The following CTNNA2 variants were observed in gnomAD, a reference collection of about 807,000 sequenced individuals.
CTNNA2 encodes the protein catenin alpha 2.
CTNNA2 carries 42 observed loss-of-function variants against 101.0 expected under a neutral mutation model. That is an observed-to-expected ratio of 0.42 (90% CI 0.32 to 0.54). The LOEUF is 0.54. CTNNA2 is among the 20% of genes least tolerant of loss of function. The pLI is 0.14. For missense variants in CTNNA2, 871 were observed against 1,223.1 expected (o/e 0.71, Z 4.29); for synonymous variants, 450 against 456.4 (o/e 0.99, Z 0.18).
At chr2:79,732,538 A>G (rs1012086205) in intron 2 of CTNNA2, among the ~76,000 whole-genome samples, 2 of 152,110 alleles carry the variant, frequency 1.3e-5, no homozygotes, top group South Asian at 2.1e-4. Context: ...TAGAGAATGT[A>G]TGTGTTATTT....
At chr2:80,322,835 G>A (rs970891494) in intron 7 of CTNNA2, among the ~76,000 whole-genome samples, 1 of 152,178 alleles carries the variant, frequency 6.6e-6, no homozygotes, top group African/African-American at 2.4e-5. Flanking sequence ...CATCCAAGAC[G>A]TTTCGGGCCA....
chr2:80,620,050 C>A (rs996988330), intron 18 of CTNNA2, among the ~76,000 whole-genome samples: 2 of 151,776 alleles, frequency 1.3e-5, no homozygotes, highest in African/African-American at 4.8e-5. Flanking sequence ...TTAAAACTAT[C>A]AAGATGCAAG....
At chr2:80,403,313 C>T (rs536003165) in intron 8 of CTNNA2, among the ~76,000 whole-genome samples, 4 of 152,290 alleles carry the variant, frequency 2.6e-5, no homozygotes, top group African/African-American at 4.8e-5. Context: ...AAAGTTCCCC[C>T]GCAAAGTCTC....
chr2:79,561,008 G>A (rs970337734), intron 1 of CTNNA2, among the ~76,000 whole-genome samples: 1 of 151,868 alleles, frequency 6.6e-6, no homozygotes, highest in African/African-American at 2.4e-5. Flanking sequence ...TTGCAAGGTT[G>A]TGGAACTATC....
chr2:79,806,558 T>A (rs939704294), intron 3 of CTNNA2, among the ~76,000 whole-genome samples: 2 of 152,044 alleles, frequency 1.3e-5, no homozygotes, highest in African/African-American at 4.8e-5. Context: ...CGCAGGTGAC[T>A]TAGACTTCCC....
At chr2:79,945,902 G>C (rs1034052335) in intron 7 of CTNNA2, among the ~76,000 whole-genome samples, 1 of 152,128 alleles carries the variant, frequency 6.6e-6, no homozygotes, top group Admixed American at 6.5e-5. Context: ...TGCTAAGACA[G>C]AGCTGCACAC....
chr2:79,868,361 T>A (rs1033908732), intron 4 of CTNNA2, among the ~76,000 whole-genome samples: 9 of 152,222 alleles, frequency 5.9e-5, no homozygotes, highest in African/African-American at 2.2e-4. Context: ...CTTTGCTTGC[T>A]ACAACTCTTT....
chr2:79,579,478 C>T (rs931056064), intron 1 of CTNNA2, among the ~76,000 whole-genome samples: 1 of 152,114 alleles, frequency 6.6e-6, no homozygotes, highest in Non-Finnish European at 1.5e-5. Context: ...TATAATCTTT[C>T]CTCACCCTCC....
intron 7 of CTNNA2, among the ~76,000 whole-genome samples, chr2:80,144,291 T>C (rs1703192829): frequency 6.6e-6 from 1 of 152,116 alleles, no homozygotes. Context: ...AGATTCCCCA[T>C]AGATGCACCT....
At chr2:79,710,241 C>T (rs1272755247) in intron 2 of CTNNA2, among the ~76,000 whole-genome samples, 1 of 151,974 alleles carries the variant, frequency 6.6e-6, no homozygotes, top group Non-Finnish European at 1.5e-5. Flanking sequence ...GTTGCCTTAT[C>T]ATATGAAGAT....
intron 1 of CTNNA2, among the ~76,000 whole-genome samples, chr2:79,598,460 C>G (rs1314058144): frequency 6.6e-6 from 1 of 152,218 alleles, no homozygotes; most frequent in Non-Finnish European, 1.5e-5. Context: ...GCTCCACATC[C>G]TCGCCAGCAT....
chr2:79,286,445 C>T (rs1376156124), intron 2 of CTNNA2, among the ~76,000 whole-genome samples: 2 of 151,938 alleles, frequency 1.3e-5, no homozygotes, highest in Non-Finnish European at 2.9e-5. Context: ...TTAGGGCAGG[C>T]CTGGTGGTGA....
intron 2 of CTNNA2, among the ~76,000 whole-genome samples, chr2:79,283,034 T>C (rs1410643082): frequency 1.2e-5 from 1 of 86,188 alleles, no homozygotes; most frequent in African/African-American, 3.2e-5. Flanking sequence ...TTTCATGTGT[T>C]TTTTGGCTGC....
At chr2:80,319,124 C>T (rs1030870013) in intron 7 of CTNNA2, among the ~76,000 whole-genome samples, 13 of 152,256 alleles carry the variant, frequency 8.5e-5, no homozygotes, top group African/African-American at 3.1e-4. Flanking sequence ...TTCCTTTGAC[C>T]ATATGCACAG....
At chr2:80,632,152 A>G (rs1348064906) in intron 18 of CTNNA2, among the ~76,000 whole-genome samples, 1 of 152,110 alleles carries the variant, frequency 6.6e-6, no homozygotes, top group Non-Finnish European at 1.5e-5. Context: ...AGCGAATCCC[A>G]GCATGATTTA....
intron 7 of CTNNA2, among the ~76,000 whole-genome samples, chr2:80,070,558 T>C (rs963904083): frequency 6.6e-6 from 1 of 151,646 alleles, no homozygotes; most frequent in African/African-American, 2.4e-5. Flanking sequence ...AAATAAAAAA[T>C]AAAACAAAAT....
chr2:80,118,117 ATC>A (rs1228990990), intron 7 of CTNNA2, among the ~76,000 whole-genome samples: 4 of 151,984 alleles, frequency 2.6e-5, no homozygotes, highest in African/African-American at 4.8e-5. Context: ...TTGTTTTTTT[ATC>A]TGTGTTCCTT....
At chr2:79,458,629 A>G (rs1051144466) in intron 4 of CTNNA2, among the ~76,000 whole-genome samples, 1 of 152,224 alleles carries the variant, frequency 6.6e-6, no homozygotes, top group African/African-American at 2.4e-5. Context: ...CAAGGTGAAG[A>G]GTTGGTGCCC....
At chr2:79,874,432 T>A in intron 6 of CTNNA2, 90 bp downstream of exon 6, 1 of 1,423,478 alleles carries the variant, frequency 7.0e-7, no homozygotes, top group Non-Finnish European at 9.5e-7. Flanking sequence ...ACTACAATAA[T>A]TTACATTGAT....
Sources: gnomAD v4.1 joint callset for allele counts (sites outside exome capture counted in the v4.1 genomes callset) on GRCh38, gnomAD v4.1.1 for gene constraint, MANE v1.5 for transcripts, NCBI Gene and HGNC (gene_info 2026-07-23, HGNC 2026-07-21) for gene names.